The following DLC1 variants were observed in gnomAD, a reference collection of about 807,000 sequenced individuals.
The protein encoded by DLC1 is DLC1 Rho GTPase activating protein.
In DLC1, 54 loss-of-function variants were observed where a neutral mutation model predicts 140.3. The ratio of observed to expected loss-of-function variants is 0.38; its 90% confidence interval spans 0.31 to 0.48. DLC1 has a LOEUF of 0.48. DLC1 is among the 20% of genes least tolerant of loss of function. The pLI, the probability that DLC1 is intolerant of heterozygous loss-of-function variation, is 0.96. For synonymous variants in DLC1, 986 were observed against 728.1 expected, an observed-to-expected ratio of 1.35 and a Z score of -5.70; for missense variants, 2,536 against 1,907.0, an observed-to-expected ratio of 1.33 and a Z score of -6.14.
chr8:13,396,724 G>T (rs147683672), intron 3 of DLC1, among the ~76,000 whole-genome samples: 1 of 152,228 alleles, frequency 6.6e-6, no homozygotes, highest in African/African-American at 2.4e-5. Flanking sequence ...AACTAAATAA[G>T]TAATTTTAAT....
chr8:13,108,052 T>C (rs1819732437), intron 7 of DLC1, among the ~76,000 whole-genome samples: 1 of 151,678 alleles, frequency 6.6e-6, no homozygotes, highest in Non-Finnish European at 1.5e-5. Context: ...CTCAAAAAAA[T>C]AAAAAAATAA....
chr8:13,475,314 C>A lies in DLC1; in HGVS notation c.1023+23735G>T, dbSNP rs75291723. Among the ~76,000 whole-genome samples, 397 of 152,120 alleles carry A rather than the reference C, an allele frequency of 2.6e-3. 2 individuals carry two copies. Among genetic ancestry groups the A allele is most frequent in the African/African-American group, 8.8e-3 (364 of 41,496 alleles). Reference sequence around the variant, plus strand: ...ATATCTTAATTATTAAAGTTTATTTCAAAAAAATCTTTACTTTGAAGAAAA... The same window carrying A: ...ATATCTTAATTATTAAAGTTTATTTAAAAAAAATCTTTACTTTGAAGAAAA... On this transcript the variant is annotated intron_variant, in intron 2 of 17. Transcript: ENST00000276297.
chr8:13,098,315 C>T, intron 10 of DLC1, 84 bp downstream of exon 10: 1 of 1,496,420 alleles, frequency 6.7e-7, no homozygotes. Flanking sequence ...AGAGAAGTGT[C>T]ATTTTTTACT....
chr8:13,110,191 C>G (rs900770052), intron 7 of DLC1, among the ~76,000 whole-genome samples: 2 of 152,262 alleles, frequency 1.3e-5, no homozygotes, highest in Non-Finnish European at 2.9e-5. Flanking sequence ...GCTTGAAGAC[C>G]CAAAACCACA....
intron 4 of DLC1, among the ~76,000 whole-genome samples, chr8:13,363,299 T>G (rs1315001893): frequency 8.6e-5 from 13 of 150,680 alleles, no homozygotes; most frequent in African/African-American, 3.1e-4. Flanking sequence ...TTCTGCACTG[T>G]GTTCTCAGAG....
chr8:13,307,757 G>A (rs1832507191), intron 4 of DLC1, among the ~76,000 whole-genome samples: 1 of 152,198 alleles, frequency 6.6e-6, no homozygotes, highest in Admixed American at 6.5e-5. Context: ...TTTGACTGCA[G>A]AAATTCACCA....
chr8:13,142,928 A>T (rs1432247958), intron 5 of DLC1, among the ~76,000 whole-genome samples: 1 of 152,116 alleles, frequency 6.6e-6, no homozygotes, highest in Non-Finnish European at 1.5e-5. Flanking sequence ...ACATTCCTGT[A>T]ATCCCAGCTA....
chr8:13,567,853 G>T, intron 1 of DLC1: 1 of 1,551,864 alleles, frequency 6.4e-7, no homozygotes, highest in Non-Finnish European at 8.7e-7. Context: ...GTTGCAGCGA[G>T]ATGGAAATAG....
At chr8:13,570,416 G>A (rs982970857) in intron 1 of DLC1, among the ~76,000 whole-genome samples, 1 of 146,794 alleles carries the variant, frequency 6.8e-6, no homozygotes, top group Non-Finnish European at 1.5e-5. Context: ...TCTAGCATTA[G>A]GTATATCTCC....
intron 7 of DLC1, among the ~76,000 whole-genome samples, chr8:13,106,504 T>A (rs1413101488): frequency 2.0e-5 from 3 of 152,186 alleles, no homozygotes; most frequent in Non-Finnish European, 2.9e-5. Context: ...TGCACCATCA[T>A]GCCTGGCTAA....
intron 4 of DLC1, among the ~76,000 whole-genome samples, chr8:13,322,592 T>C (rs530574349): frequency 8.5e-5 from 13 of 152,330 alleles, no homozygotes; most frequent in African/African-American, 3.1e-4. Context: ...ATCACAGTTT[T>C]CTTAGTTATA....
intron 1 of DLC1, among the ~76,000 whole-genome samples, chr8:13,521,726 A>C (rs1418904887): frequency 6.6e-6 from 1 of 152,158 alleles, no homozygotes; most frequent in Non-Finnish European, 1.5e-5. Context: ...AATGTGACAA[A>C]GCCTCGTGTC....
Position 13,092,840 on chromosome 8 carries a change from C to T in DLC1, c.3527-15G>A, listed in dbSNP as rs547137286. On this transcript the variant is annotated splice_polypyrimidine_tract_variant and intron_variant, in intron 12 of 17. Coordinates refer to ENST00000276297, the MANE Select transcript of DLC1 (RefSeq NM_182643.3). Reference sequence around the variant, plus strand: ...CTTGGGCACATCTGCACGACACCAGCACTTTCTCCATCAGCTTGGTGAATT... The same window carrying T: ...CTTGGGCACATCTGCACGACACCAGTACTTTCTCCATCAGCTTGGTGAATT... The T allele has an allele frequency of 1.2e-6, 2 of 1,606,298 alleles. No individual in the cohort carries two copies. Among genetic ancestry groups the T allele is most frequent in the Non-Finnish European group, 1.7e-6 (2 of 1,175,026 alleles).
intron 5 of DLC1, chr8:13,132,914 G>T (rs761646447): frequency 6.3e-7 from 1 of 1,582,304 alleles, no homozygotes; most frequent in African/African-American, 1.3e-5. Context: ...CCCGCGGCCA[G>T]CCCGACGGCA....
intron 5 of DLC1, among the ~76,000 whole-genome samples, chr8:13,221,027 G>A (rs140586267): frequency 6.6e-6 from 1 of 152,156 alleles, no homozygotes; most frequent in Non-Finnish European, 1.5e-5. Context: ...CTTCTGCCAA[G>A]GGGGTACTAG....
chr8:13,384,132 A>G (rs746034111), intron 4 of DLC1, among the ~76,000 whole-genome samples: 3 of 152,226 alleles, frequency 2.0e-5, no homozygotes, highest in Non-Finnish European at 4.4e-5. Context: ...TTATTATACA[A>G]CAACAGATAA....
intron 4 of DLC1, among the ~76,000 whole-genome samples, chr8:13,315,537 G>T (rs1460643197): frequency 2.0e-5 from 3 of 152,208 alleles, no homozygotes; most frequent in Admixed American, 1.3e-4. Flanking sequence ...GGTTAATTTA[G>T]AGATGAACTT....
intron 5 of DLC1, chr8:13,214,621 C>G (rs778823723): frequency 1.8e-5 from 14 of 777,100 alleles, no homozygotes; most frequent in African/African-American, 5.2e-5. Context: ...CAGGCACACA[C>G]CGGCCTAGGT....
At chr8:13,182,536 T>C (rs145301686) in intron 5 of DLC1, among the ~76,000 whole-genome samples, 23,445 of 152,238 alleles carry the variant, frequency 0.15, 1,947 homozygotes, top group South Asian at 0.2. Flanking sequence ...GCTTTCTACA[T>C]ATGGCTAGCC....
Sources: gnomAD v4.1 joint callset for allele counts (sites outside exome capture counted in the v4.1 genomes callset) on GRCh38, gnomAD v4.1.1 for gene constraint, MANE v1.5 for transcripts, NCBI Gene and HGNC (gene_info 2026-07-23, HGNC 2026-07-21) for gene names.